The following TRANK1 variants were observed in gnomAD, a reference collection of about 807,000 sequenced individuals.
The protein encoded by TRANK1 is tetratricopeptide repeat and ankyrin repeat containing 1, also known as TPR and ankyrin repeat-containing protein 1.
TRANK1 carries 198 observed loss-of-function variants against 266.0 expected under a neutral mutation model. The ratio of observed to expected loss-of-function variants is 0.74; its 90% CI spans 0.66 to 0.84. The LOEUF (loss-of-function observed/expected upper bound fraction) is 0.84, where lower values mean the gene tolerates loss of function less well. TRANK1 is among the 40% of genes least tolerant of loss of function. TRANK1 has a pLI of 0.00. For missense variants in TRANK1, 3,326 were observed against 3,634.6 expected (o/e 0.92, Z 2.18); for synonymous variants, 1,396 against 1,384.1 (o/e 1.01, Z -0.19).
chr3:36,859,177 A>C lies in TRANK1; in HGVS notation c.1496-283T>G, dbSNP rs148578383. Among the ~76,000 whole-genome samples the C allele has an allele frequency of 9.3e-4, 141 of 151,938 alleles. 2 individuals carry two copies. The highest frequency in any genetic ancestry group is 3.1e-3 in the African/African-American group (128 of 41,412). ...TTCCCACCATTCCCACTGTCCTGGC[A>C]TGAGGACAGGGCATGAGAACTGAAA... On this transcript the variant is annotated intron_variant, in intron 11 of 23. Transcript: ENST00000645898.
At chr3:36,888,467 T>C (rs1431933760) in intron 8 of TRANK1, among the ~76,000 whole-genome samples, 1 of 152,230 alleles carries the variant, frequency 6.6e-6, no homozygotes. Context: ...TTTAAACAGG[T>C]AAATTATATA....
rs747420674 is a variant in TRANK1, at chr3:36,833,579, T to C, written c.6004A>G (p.Arg2002Gly). The C allele has an allele frequency of 2.3e-5, 37 of 1,613,852 alleles. No homozygotes were observed. Among genetic ancestry groups the C allele is most frequent in the Non-Finnish European group, 2.9e-5 (34 of 1,179,896 alleles). Residue 2002 changes from arginine to glycine, a missense_variant, in exon 22 of 24, where the codon AGG becomes GGG. By Grantham distance (125) the Arg-to-Gly change is moderately radical. Coordinates refer to ENST00000645898, the MANE Select transcript of TRANK1 (RefSeq NM_001329998.2). ...TTGGTGTGTTCTATGTCGGAATCCC[T>C]GGCCACATTGAGGCGGGCGGCCCCC... is the stretch of plus-strand genomic sequence containing the variant. ...LLGAARLNVA[R>G]DSDIEHTKDI... is the part of the protein sequence containing the mutation.
intron 15 of TRANK1, chr3:36,851,060 C>T: frequency 1.0e-6 from 1 of 985,510 alleles, no homozygotes; most frequent in Non-Finnish European, 1.2e-6. Context: ...GGTAGCTCTA[C>T]CCATAATGAA....
At chr3:36,891,676 A>C (rs1559456788) in intron 7 of TRANK1, among the ~76,000 whole-genome samples, 2 of 152,284 alleles carry the variant, frequency 1.3e-5, no homozygotes, top group East Asian at 3.8e-4. Flanking sequence ...ACCAGATGGC[A>C]AAGCTTAAAA....
rs2079055642 is a variant in TRANK1, at chr3:36,856,458, G to A, written c.3264C>T (p.Tyr1088=). ...AAACGTGGAATTTCTTCCACAATCT[G>A]TACAAGCAGCAGGTTGTCTTCCCAG... is the stretch of plus-strand genomic sequence containing the variant. ...SGTGKTTCCL[Y]RLWKKFHVYW... is the part of the protein sequence containing the mutation. The change falls in exon 13 of 24, where the codon TAC becomes TAT. Residue 1088 remains tyrosine, a synonymous_variant. Coordinates refer to ENST00000645898, the MANE Select transcript of TRANK1 (RefSeq NM_001329998.2). The A allele has an allele frequency of 1.2e-6, 2 of 1,614,022 alleles. No individual in the cohort carries two copies. Among genetic ancestry groups the A allele is most frequent in the Non-Finnish European group, 1.7e-6 (2 of 1,179,906 alleles).
intron 7 of TRANK1, among the ~76,000 whole-genome samples, chr3:36,890,907 G>A (rs1227642171): frequency 6.6e-6 from 1 of 152,138 alleles, no homozygotes; most frequent in Non-Finnish European, 1.5e-5. Context: ...AGACACAATG[G>A]GGAATCATGA....
chr3:36,828,287 C>T lies in TRANK1; in HGVS notation c.8898G>A (p.Gln2966=), dbSNP rs1473831221. The T allele has an allele frequency of 1.2e-6, 2 of 1,611,614 alleles. No homozygotes were observed. The stretch of plus-strand genomic sequence containing the variant: ...AGCTGTGTGGACATTAGTATTTTCT[C>T]TGCTTTCCACATTTCCGAGAACGCC... ...PRRRSRKCGK[Q]RKY Residue 2966 remains glutamine, a synonymous_variant, in exon 24 of 24, where the codon CAG becomes CAA. Coordinates refer to ENST00000645898, the MANE Select transcript of TRANK1 (RefSeq NM_001329998.2).
chr3:36,917,127 A>G (rs568872575), intron 1 of TRANK1, among the ~76,000 whole-genome samples: 3 of 152,182 alleles, frequency 2.0e-5, no homozygotes, highest in African/African-American at 7.2e-5. Context: ...AATGCATGTA[A>G]TATTGGATTT....
At chr3:36,871,726 G>A (rs1217142577) in intron 9 of TRANK1, among the ~76,000 whole-genome samples, 1 of 152,152 alleles carries the variant, frequency 6.6e-6, no homozygotes, top group African/African-American at 2.4e-5. Flanking sequence ...TGTTCTCACA[G>A]TCTCATAGAA....
upstream of TRANK1, among the ~76,000 whole-genome samples, chr3:36,945,380 T>C (rs2080558912): frequency 6.6e-6 from 1 of 152,010 alleles, no homozygotes; most frequent in African/African-American, 2.4e-5. Context: ...CGTTCCTCCC[T>C]CCAACAAAGG....
Position 36,857,339 on chromosome 3 carries a change from G to A in TRANK1, c.2383C>T (p.Leu795Phe), listed in dbSNP as rs1305311723. Residue 795 changes from leucine (L) to phenylalanine (F), a missense_variant, in exon 13 of 24, where the codon CTT (leucine) becomes TTT (phenylalanine). Leu to Phe is a conservative substitution (Grantham distance 22). Coordinates refer to ENST00000645898, the MANE Select transcript of TRANK1 (RefSeq NM_001329998.2). This position sits in a 1 kb window ranked among gnomAD's most constrained non-coding sequence, Gnocchi z 4.3. ...TCAGGCACAAGCTGCAAGGCCCCAA[G>A]GCCCACCTGAGCATGTCCTTCCCCC... ...EVGEGHAQVG[L>F]GALQLVPDDN... The A allele has an allele frequency of 1.2e-6, 2 of 1,607,938 alleles. No homozygotes were observed. The highest frequency in any genetic ancestry group is 2.2e-5 in the South Asian group (2 of 89,842).
chr3:36,835,240 A>G (rs1170573776), intron 20 of TRANK1, among the ~76,000 whole-genome samples: 2 of 139,570 alleles, frequency 1.4e-5, no homozygotes, highest in Admixed American at 7.5e-5. Flanking sequence ...AATGGCGTGA[A>G]CCCGGGAGGC....
At chr3:36,894,077 A>G (rs578091583) in intron 5 of TRANK1, among the ~76,000 whole-genome samples, 3 of 152,130 alleles carry the variant, frequency 2.0e-5, no homozygotes, top group Non-Finnish European at 4.4e-5. Context: ...CTTTTAAAAG[A>G]TGCTTCTGTC....
Position 36,892,380 on chromosome 3 carries a change from C to A in TRANK1, c.637-40G>T, listed in dbSNP as rs779702608. 1.2e-5 allele frequency: 18 copies of A among 1,534,960 alleles called. No individual in the cohort carries two copies. In the African/African-American group the frequency reaches 2.3e-4, roughly 20 times the overall value. On this transcript the variant is annotated intron_variant, in intron 6 of 23. Coordinates refer to ENST00000645898, the MANE Select transcript of TRANK1 (RefSeq NM_001329998.2). Reference sequence around the variant, plus strand: ...CACACAGGACAAATTATGGAAGTCACTAATCAATATGAAGCTTCAAACTCC... The same window carrying A: ...CACACAGGACAAATTATGGAAGTCAATAATCAATATGAAGCTTCAAACTCC...
chr3:36,935,049 T>G (rs1314417186), intron 1 of TRANK1, among the ~76,000 whole-genome samples: 1 of 152,176 alleles, frequency 6.6e-6, no homozygotes, highest in Non-Finnish European at 1.5e-5. Flanking sequence ...ATGTGCTATG[T>G]GTCCAGATTA....
intron 23 of TRANK1, among the ~76,000 whole-genome samples, chr3:36,829,288 T>C (rs985992255): frequency 6.6e-6 from 1 of 152,228 alleles, no homozygotes; most frequent in Admixed American, 6.5e-5. Context: ...GCATTGAGTA[T>C]GTGCAGTGAC....
intron 8 of TRANK1, among the ~76,000 whole-genome samples, chr3:36,883,891 T>C (rs977915030): frequency 2.0e-5 from 3 of 151,868 alleles, no homozygotes; most frequent in Non-Finnish European, 2.9e-5. Flanking sequence ...AACAAAACCA[T>C]GGTAAAGGGA....
In TRANK1 at chr3:36,831,861, C is replaced by T; in HGVS notation, c.7722G>A (p.Glu2574=). 6 of 1,614,044 alleles carry T rather than the reference C, an allele frequency of 3.7e-6. No individual in the cohort carries two copies. The highest frequency in any genetic ancestry group is 5.1e-6 in the Non-Finnish European group (6 of 1,179,898). ...GCTTGCAGTATGGCTGCAGGATCTC[C>T]TCAGCATTCACTAGCATCACCAAGC... ...VLCLVMLVNA[E]EILQPYCKPL... The change falls in exon 22 of 24, where the codon GAG becomes GAA. Residue 2574 remains glutamate, a synonymous_variant. Coordinates refer to ENST00000645898, the MANE Select transcript of TRANK1 (RefSeq NM_001329998.2). This position sits in a 1 kb window ranked among gnomAD's most constrained non-coding sequence, Gnocchi z 5.0.
chr3:36,922,226 T>C (rs969337261), intron 1 of TRANK1, among the ~76,000 whole-genome samples: 2 of 152,236 alleles, frequency 1.3e-5, no homozygotes, highest in African/African-American at 4.8e-5. Flanking sequence ...ATCTGGCTAC[T>C]ATTACTATTC....
Sources: gnomAD v4.1 joint callset for allele counts (sites outside exome capture counted in the v4.1 genomes callset) on GRCh38, gnomAD v4.1.1 for gene constraint, Gnocchi (gnomAD v3.1) non-coding constraint, MANE v1.5 for transcripts, NCBI Gene and HGNC (gene_info 2026-07-23, HGNC 2026-07-21) for gene names.